FAM135B: variants seen among roughly 807,000 people sequenced by gnomAD.
The protein encoded by FAM135B is family with sequence similarity 135 member B, also known as protein FAM135B.
Under a neutral mutation model 127.7 loss-of-function variants are expected in FAM135B, and 43 were observed. The observed-to-expected ratio is 0.34, with a 90% CI of 0.26 to 0.43. The LOEUF is 0.43. Among genes scored for constraint, FAM135B ranks in the 20% least tolerant of loss-of-function variants. The pLI is 1.00. For missense variants in FAM135B, 1,558 were observed against 1,725.6 expected (o/e 0.90, Z 1.72); for synonymous variants, 670 against 665.1 (o/e 1.01, Z -0.11).
rs138207608 is a variant in FAM135B at position 138,211,488 on chromosome 8, T to C, written c.670-13819A>G. Among the ~76,000 whole-genome samples, 12 of 152,308 alleles carry C rather than the reference T, an allele frequency of 7.9e-5. No homozygotes were observed. The East Asian group carries it at 2.3e-3, about 29-fold the overall frequency. On this transcript the variant is annotated intron_variant, in intron 7 of 19. Coordinates refer to ENST00000395297, the MANE Select transcript of FAM135B (RefSeq NM_015912.4). ...AAAATTTGGATCATATCAACAACCA[T>C]GTTACATTCAAATGTCATTGCATGG...
chr8:138,363,322 T>C (rs537716510), intron 2 of FAM135B, among the ~76,000 whole-genome samples: 6 of 152,264 alleles, frequency 3.9e-5, no homozygotes, highest in African/African-American at 1.4e-4. Flanking sequence ...CCGTAAACTT[T>C]CAGATTGCCC....
In FAM135B at chr8:138,337,006, C is replaced by T. The variant is rs563863810; in HGVS notation, c.78-26086G>A. 4.1e-3 allele frequency among the ~76,000 whole-genome samples: 615 copies of T among 150,818 alleles called. 6 individuals carry two copies. Among genetic ancestry groups the T allele is most frequent in the African/African-American group, 0.014 (594 of 41,224 alleles). On this transcript the variant is annotated intron_variant, in intron 2 of 19. Coordinates refer to ENST00000395297, the MANE Select transcript of FAM135B (RefSeq NM_015912.4). ...ATATAAACAGAACCAAAGACAAAAA[C>T]CATATGATTATCTCAACAGATGCAG...
chr8:138,424,033 C>T (rs1834691984), intron 1 of FAM135B, among the ~76,000 whole-genome samples: 1 of 152,174 alleles, frequency 6.6e-6, no homozygotes, highest in East Asian at 1.9e-4. Context: ...CTTGCCTGAA[C>T]ATTGCTGTTA....
chr8:138,348,665 A>G (rs1563923824), intron 2 of FAM135B, among the ~76,000 whole-genome samples: 1 of 152,188 alleles, frequency 6.6e-6, no homozygotes, highest in South Asian at 2.1e-4. Context: ...ATTAGAAAAC[A>G]GTTTCTGGTA....
chr8:138,293,914 G>A (rs1317403266), intron 3 of FAM135B, among the ~76,000 whole-genome samples: 1 of 152,054 alleles, frequency 6.6e-6, no homozygotes, highest in Non-Finnish European at 1.5e-5. Context: ...CAAACAGAAA[G>A]AAGTCATTAT....
intron 7 of FAM135B, among the ~76,000 whole-genome samples, chr8:138,214,074 A>G (rs76929626): frequency 1.3e-5 from 2 of 151,978 alleles, no homozygotes; most frequent in African/African-American, 2.4e-5. Context: ...TCCCATCCCA[A>G]CACAACTGAG....
At chr8:138,455,722 G>T (rs1472188701) in intron 1 of FAM135B, among the ~76,000 whole-genome samples, 4 of 152,150 alleles carry the variant, frequency 2.6e-5, no homozygotes, top group Non-Finnish European at 4.4e-5. Context: ...TGGGCAGATG[G>T]ATGGGTGAAT....
intron 1 of FAM135B, among the ~76,000 whole-genome samples, chr8:138,425,106 G>A (rs1834764025): frequency 6.6e-6 from 1 of 152,132 alleles, no homozygotes; most frequent in Admixed American, 6.6e-5. Flanking sequence ...TTCATAATAA[G>A]AGCTACCATA....
chr8:138,474,829 C>G (rs901730860), intron 1 of FAM135B, among the ~76,000 whole-genome samples: 9 of 152,184 alleles, frequency 5.9e-5, no homozygotes, highest in Non-Finnish European at 1.0e-4. Flanking sequence ...GGACTCTTCC[C>G]TCTCTATTCC....
intron 6 of FAM135B, among the ~76,000 whole-genome samples, chr8:138,249,718 T>G (rs1370827777): frequency 3.3e-5 from 5 of 152,228 alleles, no homozygotes; most frequent in African/African-American, 9.6e-5. Flanking sequence ...GCAAACGTAG[T>G]GAAAATTCTA....
intron 7 of FAM135B, among the ~76,000 whole-genome samples, chr8:138,227,801 A>G (rs1819587598): frequency 6.7e-6 from 1 of 150,100 alleles, no homozygotes; most frequent in Non-Finnish European, 1.5e-5. Flanking sequence ...CTCTCTCAAC[A>G]AATTTTTAAG....
chr8:138,288,890 C>A (rs1824894351), intron 3 of FAM135B, among the ~76,000 whole-genome samples: 1 of 152,116 alleles, frequency 6.6e-6, no homozygotes, highest in Admixed American at 6.5e-5. Context: ...TGGAGCAGTG[C>A]CTGGAAATGT....
At chr8:138,285,880 A>C in intron 3 of FAM135B, among the ~76,000 whole-genome samples, 1 of 152,198 alleles carries the variant, frequency 6.6e-6, no homozygotes, top group East Asian at 1.9e-4. Context: ...AAGTGATGTG[A>C]GATTCTTCAT....
intron 2 of FAM135B, among the ~76,000 whole-genome samples, chr8:138,324,464 C>A (rs770831149): frequency 6.6e-6 from 1 of 152,066 alleles, no homozygotes; most frequent in African/African-American, 2.4e-5. Flanking sequence ...CTTAAAAGTC[C>A]AAACAAAATT....
intron 2 of FAM135B, among the ~76,000 whole-genome samples, chr8:138,366,508 G>A (rs1830744649): frequency 6.6e-6 from 1 of 152,142 alleles, no homozygotes; most frequent in Admixed American, 6.5e-5. Context: ...CCTCATTAAA[G>A]CTCAGCCTCT....
intron 1 of FAM135B, among the ~76,000 whole-genome samples, chr8:138,417,975 T>C (rs1404719621): frequency 6.6e-6 from 1 of 152,062 alleles, no homozygotes; most frequent in Non-Finnish European, 1.5e-5. Flanking sequence ...AGACGTCAAA[T>C]TCAGAATCTG....
chr8:138,329,739 G>C (rs1027646404), intron 2 of FAM135B, among the ~76,000 whole-genome samples: 2 of 152,162 alleles, frequency 1.3e-5, no homozygotes, highest in African/African-American at 4.8e-5. Flanking sequence ...GAAGCAGTAG[G>C]TGGGAGAACT....
intron 15 of FAM135B, among the ~76,000 whole-genome samples, chr8:138,143,336 T>C (rs970329445): frequency 2.6e-5 from 4 of 152,158 alleles, no homozygotes; most frequent in African/African-American, 9.7e-5. Context: ...GGAGGGTGGC[T>C]GACACTGAAG....
At position 138,310,926 on chromosome 8, in the gene FAM135B, A is replaced by G. The variant is rs1309700475; in HGVS notation, c.78-6T>C. 2 of 1,610,394 alleles carry G rather than the reference A, an allele frequency of 1.2e-6. No individual in the cohort carries two copies. Among genetic ancestry groups the G allele is most frequent in the Non-Finnish European group, 1.7e-6 (2 of 1,178,268 alleles). On this transcript the variant is annotated splice_region_variant and splice_polypyrimidine_tract_variant and intron_variant, in intron 2 of 19. Transcript: ENST00000395297. ...TCACTCGGATCTGGTAATACCTAAGAAAAGAGAAGAGGACAGGGTGCTGAA... is the reference window on the plus strand; with the variant it reads ...TCACTCGGATCTGGTAATACCTAAGGAAAGAGAAGAGGACAGGGTGCTGAA...
Sources: gnomAD v4.1 joint callset for allele counts (sites outside exome capture counted in the v4.1 genomes callset) on GRCh38, gnomAD v4.1.1 for gene constraint, MANE v1.5 for transcripts, NCBI Gene and HGNC (gene_info 2026-07-23, HGNC 2026-07-21) for gene names.